The following KIAA1328 variants were observed in gnomAD, a reference collection of about 807,000 sequenced individuals.
The protein encoded by KIAA1328 is protein hinderin.
In KIAA1328, 52 loss-of-function variants were observed where a neutral mutation model predicts 68.1. The ratio of observed to expected loss-of-function variants is 0.76; its 90% CI spans 0.61 to 0.96. The LOEUF is 0.96. Among genes scored for constraint, KIAA1328 ranks in the 40% least tolerant of loss-of-function variants. The pLI is 0.00. For synonymous variants in KIAA1328, 232 were observed against 239.4 expected (o/e 0.97, Z 0.28); for missense variants, 641 against 677.6 (o/e 0.95, Z 0.60).
At chr18:36,971,630 A>G (rs1224700224) in intron 6 of KIAA1328, among the ~76,000 whole-genome samples, 1 of 152,184 alleles carries the variant, frequency 6.6e-6, no homozygotes, top group Non-Finnish European at 1.5e-5. Context: ...ACTCCATCTC[A>G]AAAATAAAAT....
At chr18:36,893,262 C>CTCTT (rs2048749736) in intron 5 of KIAA1328, among the ~76,000 whole-genome samples, 1 of 151,960 alleles carries the variant, frequency 6.6e-6, no homozygotes, top group South Asian at 2.1e-4. Flanking sequence ...TTTTCTCTCT[C>CTCTT]TCTTTCTTTC....
chr18:37,024,298 G>T (rs539840279), intron 6 of KIAA1328, among the ~76,000 whole-genome samples: 2 of 151,264 alleles, frequency 1.3e-5, no homozygotes, highest in East Asian at 1.9e-4. Context: ...ACCATGCCTG[G>T]CCTGTTATTC....
intron 7 of KIAA1328, among the ~76,000 whole-genome samples, chr18:37,109,221 T>C (rs916565157): frequency 2.0e-5 from 3 of 152,224 alleles, no homozygotes; most frequent in Admixed American, 6.5e-5. Context: ...CTATTGTGAA[T>C]AGTGCTGCAA....
At chr18:37,029,392 G>T (rs1392797276) in intron 6 of KIAA1328, among the ~76,000 whole-genome samples, 3 of 151,792 alleles carry the variant, frequency 2.0e-5, no homozygotes, top group African/African-American at 7.3e-5. Context: ...TATTATTATT[G>T]AGACAAGGTC....
chr18:37,047,240 T>C (rs1039562308), intron 6 of KIAA1328, among the ~76,000 whole-genome samples: 38 of 152,220 alleles, frequency 2.5e-4, no homozygotes, highest in Non-Finnish European at 3.4e-4. Context: ...TTGTGGTCTA[T>C]TGTAGGCCTT....
At chr18:36,950,308 G>C (rs920270390) in intron 5 of KIAA1328, among the ~76,000 whole-genome samples, 2 of 152,100 alleles carry the variant, frequency 1.3e-5, no homozygotes, top group Non-Finnish European at 2.9e-5. Flanking sequence ...CTGGTTTAAA[G>C]GCCACATTGT....
chr18:37,107,989 G>T (rs2057821996), intron 7 of KIAA1328, among the ~76,000 whole-genome samples: 1 of 152,086 alleles, frequency 6.6e-6, no homozygotes, highest in Admixed American at 6.6e-5. Flanking sequence ...ACTTAAAACA[G>T]AACTACCATT....
chr18:37,183,375 T>C (rs1257565764), intron 9 of KIAA1328, among the ~76,000 whole-genome samples: 1 of 152,224 alleles, frequency 6.6e-6, no homozygotes, highest in Non-Finnish European at 1.5e-5. Flanking sequence ...CCTAGATTCA[T>C]TGAATCACAA....
At chr18:36,948,942 A>ACAACTT (rs1187260583) in intron 5 of KIAA1328, among the ~76,000 whole-genome samples, 2 of 152,220 alleles carry the variant, frequency 1.3e-5, no homozygotes, top group Admixed American at 1.3e-4. Flanking sequence ...CATTATTCAC[A>ACAACTT]CAACTTCACT....
chr18:37,067,791 C>G (rs1250928080), intron 7 of KIAA1328, among the ~76,000 whole-genome samples: 2 of 152,098 alleles, frequency 1.3e-5, no homozygotes, highest in African/African-American at 4.8e-5. Flanking sequence ...AACTCCTGAT[C>G]TCATGATCCA....
intron 8 of KIAA1328, among the ~76,000 whole-genome samples, chr18:37,170,862 A>G (rs1055372095): frequency 1.3e-5 from 2 of 152,200 alleles, no homozygotes; most frequent in African/African-American, 4.8e-5. Flanking sequence ...AATAAAAAAT[A>G]ATTTCTAAAA....
intron 6 of KIAA1328, among the ~76,000 whole-genome samples, chr18:37,003,859 G>A (rs189855324): frequency 2.5e-4 from 38 of 152,010 alleles, no homozygotes; most frequent in Non-Finnish European, 5.0e-4. Flanking sequence ...TTCCCCACTT[G>A]CTGTTTTTGT....
chr18:36,862,107 C>T lies in KIAA1328; in HGVS notation c.332+17805C>T, dbSNP rs533775997. Among the ~76,000 whole-genome samples, 13 of 141,852 alleles carry T rather than the reference C, an allele frequency of 9.2e-5. No homozygotes were observed. In the South Asian group the frequency reaches 1.1e-3, roughly 12 times the overall value. 93.1% of individuals were successfully genotyped at this position (141,852 alleles called of 152,430 possible). ...TGTTAGAAATAATACAGAGAAAGCC[C>T]ATGTACCTTTTACCCAGTTTTTAAC... is the stretch of plus-strand genomic sequence containing the variant. On this transcript the variant is annotated intron_variant, in intron 4 of 9. Coordinates refer to ENST00000280020, the MANE Select transcript of KIAA1328 (RefSeq NM_020776.3).
chr18:37,216,899 C>CTTTTTT (rs762745405), intron 9 of KIAA1328, among the ~76,000 whole-genome samples: 23 of 90,330 alleles, frequency 2.5e-4, no homozygotes, highest in East Asian at 6.6e-4. Context: ...TTCTTTGTCT[C>CTTTTTT]TTTTTTTTTT....
At chr18:36,843,305 C>T (rs1272314492) in intron 3 of KIAA1328, among the ~76,000 whole-genome samples, 7 of 152,234 alleles carry the variant, frequency 4.6e-5, no homozygotes, top group Non-Finnish European at 7.4e-5. Flanking sequence ...TTCCCACCTT[C>T]GGCTATTACT....
chr18:36,880,333 C>T (rs2048289279), intron 4 of KIAA1328, among the ~76,000 whole-genome samples: 1 of 152,102 alleles, frequency 6.6e-6, no homozygotes, highest in Non-Finnish European at 1.5e-5. Flanking sequence ...CCATCCTTAC[C>T]TTCCGTGGGC....
At chr18:37,218,521 G>A (rs867680299) in intron 9 of KIAA1328, among the ~76,000 whole-genome samples, 7 of 152,192 alleles carry the variant, frequency 4.6e-5, no homozygotes, top group Non-Finnish European at 7.3e-5. Context: ...TTAAAGTAGT[G>A]AGCTAGAGTA....
At chr18:37,167,981 G>C (rs2059424278) in intron 8 of KIAA1328, among the ~76,000 whole-genome samples, 1 of 151,738 alleles carries the variant, frequency 6.6e-6, no homozygotes, top group South Asian at 2.1e-4. Context: ...CAAAATACTA[G>C]CAAGCCGAAT....
intron 7 of KIAA1328, among the ~76,000 whole-genome samples, chr18:37,102,116 G>A (rs549795935): frequency 2.0e-4 from 31 of 152,204 alleles, no homozygotes; most frequent in African/African-American, 5.3e-4. Flanking sequence ...GACAATACTA[G>A]CAAAACAAAA....
Sources: gnomAD v4.1 joint callset for allele counts (sites outside exome capture counted in the v4.1 genomes callset) on GRCh38, gnomAD v4.1.1 for gene constraint, MANE v1.5 for transcripts, NCBI Gene and HGNC (gene_info 2026-07-23, HGNC 2026-07-21) for gene names.